Variants in TRERF1 observed in about 807,000 individuals in gnomAD.
The protein encoded by TRERF1 is transcriptional-regulating factor 1.
A neutral mutation model predicts 122.9 loss-of-function variants in TRERF1; 27 were observed. The observed-to-expected ratio is 0.22, with a 90% CI of 0.16 to 0.30. TRERF1 has a LOEUF of 0.30. TRERF1 is among the 10% of genes least tolerant of loss of function. TRERF1 has a pLI of 1.00. For synonymous variants in TRERF1, 636 were observed against 641.7 expected (o/e 0.99, Z 0.13); for missense variants, 1,248 against 1,560.3 (o/e 0.80, Z 3.37).
intron 3 of TRERF1, among the ~76,000 whole-genome samples, chr6:42,359,660 G>A (rs1771317532): frequency 1.3e-5 from 2 of 152,146 alleles, no homozygotes; most frequent in Admixed American, 6.5e-5. Context: ...GGAGGCGGAG[G>A]TTGCAGTGAG....
chr6:42,263,420 G>T lies in TRERF1; in HGVS notation c.1784C>A (p.Pro595His), dbSNP rs755051845. 6.2e-7 allele frequency: 1 copy of T among 1,611,938 alleles called. No individual in the cohort carries two copies. Residue 595 changes from proline (P) to histidine (H), a missense_variant, in exon 8 of 18, where the codon CCC (proline) becomes CAC (histidine). Pro to His is a moderately conservative substitution (Grantham distance 77, BLOSUM62 -2). Transcript: ENST00000372922. The surrounding 1 kb of genome is among the most constrained non-coding windows in gnomAD (Gnocchi z 5.6). ...GGTGAACCCCTGAGAGCTGGGCTTGGGCGGGAGAAGCTTGACAGGGACAGA... is the reference window on the plus strand; with the variant it reads ...GGTGAACCCCTGAGAGCTGGGCTTGTGCGGGAGAAGCTTGACAGGGACAGA...
In TRERF1 at chr6:42,311,487, G is replaced by A. The variant is rs990168778; in HGVS notation, c.-370-10738C>T. Among the ~76,000 whole-genome samples, 10 of 151,882 alleles carry A rather than the reference G, an allele frequency of 6.6e-5. No homozygotes were observed. The South Asian group carries it at 1.0e-3, about 16-fold the overall frequency. ...GTAGGCATGAGATCATGGAGGGGCC[G>A]GGCGCGGTGGCTCACTCCTGTAATC... On this transcript the variant is annotated intron_variant, in intron 3 of 17. Transcript: ENST00000372922.
chr6:42,293,749 C>T (rs192104940), intron 4 of TRERF1, among the ~76,000 whole-genome samples: 1 of 122,422 alleles, frequency 8.2e-6, no homozygotes, highest in Non-Finnish European at 1.6e-5. Flanking sequence ...ACCCACCCCC[C>T]ACCCTGTTGC....
At position 42,268,554 on chromosome 6, in the gene TRERF1, A is replaced by T; in HGVS notation, c.1037T>A (p.Leu346Gln). 1 of 1,614,142 alleles carries T rather than the reference A, an allele frequency of 6.2e-7. No individual in the cohort carries two copies. The highest frequency in any genetic ancestry group is 8.5e-7 in the Non-Finnish European group (1 of 1,180,016). Reference sequence around the variant, plus strand: ...GTCCCTGTGATAAGAAGGAGGCTGCAGGTGCATCTGTTGCTGCTGCTGCTC... The same window carrying T: ...GTCCCTGTGATAAGAAGGAGGCTGCTGGTGCATCTGTTGCTGCTGCTGCTC... Residue 346 changes from leucine to glutamine, a missense_variant, in exon 5 of 18, where the codon CTG becomes CAG. By Grantham distance (113) the Leu-to-Gln change is moderately radical. Coordinates refer to ENST00000372922, the Ensembl canonical transcript of TRERF1. This position sits in a 1 kb window ranked among gnomAD's most constrained non-coding sequence, Gnocchi z 4.4.
At position 42,243,397 on chromosome 6, in the gene TRERF1, A is replaced by G; in HGVS notation, c.2746-36T>C. The G allele has an allele frequency of 2.1e-6, 3 of 1,421,764 alleles. No individual in the cohort carries two copies. In the South Asian group the frequency reaches 3.4e-5, roughly 16 times the overall value. 88.1% of individuals were successfully genotyped at this position (1,421,764 alleles called of 1,614,324 possible). A position where few individuals can be genotyped will look rare whatever the true frequency, so the allele number is the denominator to read the frequency against. On this transcript the variant is annotated intron_variant, in intron 14 of 17. Transcript: ENST00000372922. ...AGCGAACTCAAGGTTAGCTCCAGCA[A>G]TGGGCAGAGAGCAAAGGTAGCAAGC...
chr6:42,400,725 T>C (rs992261597), intron 2 of TRERF1, among the ~76,000 whole-genome samples: 8 of 151,816 alleles, frequency 5.3e-5, no homozygotes, highest in Non-Finnish European at 1.2e-4. Context: ...ACACCAGCAA[T>C]AAAAAAGGAG....
chr6:42,406,904 T>C (rs906850118), intron 2 of TRERF1, among the ~76,000 whole-genome samples: 2 of 152,194 alleles, frequency 1.3e-5, no homozygotes, highest in African/African-American at 2.4e-5. Context: ...AGGGGAAACC[T>C]TGACAAATAG....
At chr6:42,242,486 A>G (rs1773926970) in intron 15 of TRERF1, among the ~76,000 whole-genome samples, 1 of 152,228 alleles carries the variant, frequency 6.6e-6, no homozygotes, top group Admixed American at 6.5e-5. Flanking sequence ...ATTTTTATAT[A>G]CACATATATG....
chr6:42,254,769 C>T (rs1028647878), intron 13 of TRERF1, 82 bp downstream of exon 13: 8 of 1,259,480 alleles, frequency 6.4e-6, no homozygotes, highest in African/African-American at 5.9e-5. Flanking sequence ...CGGTGTTATC[C>T]ATTGCTAGAA....
chr6:42,386,526 A>G (rs140110323), intron 2 of TRERF1, among the ~76,000 whole-genome samples: 3 of 152,352 alleles, frequency 2.0e-5, no homozygotes, highest in Admixed American at 6.5e-5. Flanking sequence ...TAGATAGAAA[A>G]GCAAGAAAAA....
Position 42,269,856 on chromosome 6 carries a change from G to T in TRERF1, c.-258-8C>A. On this transcript the variant is annotated splice_polypyrimidine_tract_variant and splice_region_variant and intron_variant, in intron 4 of 17. Transcript: ENST00000372922. The surrounding 1 kb of genome is among the most constrained non-coding windows in gnomAD (Gnocchi z 4.9). ...AGGAGACGTCGCTCACACCTGCAAGGCAAGATGCAAAAGACAGGAAAGGAT... is the reference window on the plus strand; with the variant it reads ...AGGAGACGTCGCTCACACCTGCAAGTCAAGATGCAAAAGACAGGAAAGGAT... The T allele has an allele frequency of 1.4e-6, 1 of 700,634 alleles. No individual in the cohort carries two copies. The highest frequency in any genetic ancestry group is 2.1e-6 in the Non-Finnish European group (1 of 480,946). The allele number at this position is 700,634 out of a possible 1,614,324, so 43.4% of individuals were successfully genotyped here. A position where few individuals can be genotyped will look rare whatever the true frequency, so the allele number is the denominator to read the frequency against.
intron 3 of TRERF1, among the ~76,000 whole-genome samples, chr6:42,349,181 G>C (rs1182824587): frequency 6.6e-6 from 1 of 152,116 alleles, no homozygotes; most frequent in African/African-American, 2.4e-5. Context: ...CTCTCAGACA[G>C]TAACTGTTTC....
At position 42,276,257 on chromosome 6, in the gene TRERF1, G is replaced by A. The variant is rs1242289197; in HGVS notation, c.-258-6409C>T. 6.6e-6 allele frequency among the ~76,000 whole-genome samples: 1 copy of A among 152,234 alleles called. No homozygotes were observed. Among genetic ancestry groups the A allele is most frequent in the African/African-American group, 2.4e-5 (1 of 41,464 alleles). Reference sequence around the variant, plus strand: ...GAGAGATACACCAGGAGAGGAAGTTGACTTTGGCGGAGGTCTCCGCAGGAC... The same window carrying A: ...GAGAGATACACCAGGAGAGGAAGTTAACTTTGGCGGAGGTCTCCGCAGGAC... On this transcript the variant is annotated intron_variant, in intron 4 of 17. Coordinates refer to ENST00000372922, the Ensembl canonical transcript of TRERF1. The surrounding 1 kb of genome is among the most constrained non-coding windows in gnomAD (Gnocchi z 4.3).
intron 3 of TRERF1, among the ~76,000 whole-genome samples, chr6:42,300,958 G>A (rs977287506): frequency 6.6e-6 from 1 of 152,182 alleles, no homozygotes; most frequent in Non-Finnish European, 1.5e-5. Context: ...TGAGGAATGA[G>A]GCCATGGAGA....
intron 4 of TRERF1, among the ~76,000 whole-genome samples, chr6:42,294,554 G>T (rs1012062168): frequency 6.6e-6 from 1 of 152,178 alleles, no homozygotes; most frequent in Admixed American, 6.5e-5. Context: ...TTTTAGAAAG[G>T]TTCCACCAAT....
At chr6:42,335,414 A>C (rs1765959222) in intron 3 of TRERF1, among the ~76,000 whole-genome samples, 1 of 152,190 alleles carries the variant, frequency 6.6e-6, no homozygotes, top group African/African-American at 2.4e-5. Flanking sequence ...TCATTTAGTA[A>C]CGCCACAAGA....
At chr6:42,425,706 G>A (rs908678008) in intron 2 of TRERF1, among the ~76,000 whole-genome samples, 1 of 151,846 alleles carries the variant, frequency 6.6e-6, no homozygotes, top group Non-Finnish European at 1.5e-5. Flanking sequence ...ACCACGCCCA[G>A]CTAATTTTTT....
intron 2 of TRERF1, among the ~76,000 whole-genome samples, chr6:42,365,649 T>A (rs1772590765): frequency 6.6e-6 from 1 of 152,164 alleles, no homozygotes; most frequent in South Asian, 2.1e-4. Flanking sequence ...TTGAAAGAGA[T>A]GAAGTAATTT....
At chr6:42,290,012 A>G (rs1784024554) in intron 4 of TRERF1, among the ~76,000 whole-genome samples, 1 of 152,178 alleles carries the variant, frequency 6.6e-6, no homozygotes, top group Admixed American at 6.5e-5. Flanking sequence ...TGGAGACCTC[A>G]ACAGGAGCTG....
Sources: allele counts gnomAD v4.1 joint callset (sites outside exome capture counted in the v4.1 genomes callset), GRCh38; gene constraint gnomAD v4.1.1; non-coding constraint Gnocchi (gnomAD v3.1); transcripts MANE v1.5; gene names NCBI Gene and HGNC (gene_info 2026-07-23, HGNC 2026-07-21).